The following ANKFY1 variants were observed in gnomAD, a reference collection of about 807,000 sequenced individuals.
ANKFY1 encodes the protein ankyrin repeat and FYVE domain-containing protein 1.
ANKFY1 carries 47 observed loss-of-function variants against 128.3 expected under a neutral mutation model. The ratio of observed to expected loss-of-function variants is 0.37; its 90% CI spans 0.29 to 0.47. The LOEUF is 0.47. Among genes scored for constraint, ANKFY1 ranks in the 20% least tolerant of loss-of-function variants. ANKFY1 has a pLI of 1.00. For missense variants in ANKFY1, 1,222 were observed against 1,510.6 expected, an observed-to-expected ratio of 0.81 and a Z score of 3.17; for synonymous variants, 553 against 601.6, an observed-to-expected ratio of 0.92 and a Z score of 1.18.
chr17:4,229,612 A>T (rs1421261698), intron 3 of ANKFY1, among the ~76,000 whole-genome samples: 1 of 152,244 alleles, frequency 6.6e-6, no homozygotes, highest in Non-Finnish European at 1.5e-5. Context: ...ACACAAACTT[A>T]ACATAACCAA....
At chr17:4,200,765 T>C (rs2059913626) in intron 7 of ANKFY1, among the ~76,000 whole-genome samples, 1 of 152,224 alleles carries the variant, frequency 6.6e-6, no homozygotes, top group Admixed American at 6.5e-5. Context: ...CGGTTCCTAA[T>C]TGTTAGAATT....
At chr17:4,243,338 G>A (rs1967356945) in intron 1 of ANKFY1, among the ~76,000 whole-genome samples, 1 of 151,662 alleles carries the variant, frequency 6.6e-6, no homozygotes, top group East Asian at 1.9e-4. Flanking sequence ...AGTGTCGGGA[G>A]TACAGGCATG....
chr17:4,166,223 T>A lies in ANKFY1; in HGVS notation c.*1556A>T, dbSNP rs951833140. The A allele has an allele frequency of 1.3e-5, 2 of 152,162 alleles. No homozygotes were observed. The highest frequency in any genetic ancestry group is 4.8e-5 in the African/African-American group (2 of 41,420). The allele number at this position is 152,162 out of a possible 1,614,324, so 9.4% of individuals were successfully genotyped here. On this transcript the variant is annotated 3_prime_UTR_variant, in exon 25 of 25. Coordinates refer to ENST00000341657, the MANE Select transcript of ANKFY1 (RefSeq NM_001330063.2). ...ATATTTAGGCAACAGAATGTATAAA[T>A]CTACCGCAATACAGAGGACACACTA...
intron 1 of ANKFY1, among the ~76,000 whole-genome samples, chr17:4,262,730 G>C (rs544408383): frequency 1.3e-5 from 2 of 151,950 alleles, no homozygotes; most frequent in African/African-American, 2.4e-5. Flanking sequence ...CGGTGGGACA[G>C]AGCGAGACCC....
intron 1 of ANKFY1, among the ~76,000 whole-genome samples, chr17:4,252,386 T>C (rs969145110): frequency 1.3e-5 from 2 of 151,794 alleles, no homozygotes; most frequent in East Asian, 1.9e-4. Context: ...GGCAACAGAG[T>C]GAGACCCCCG....
chr17:4,193,419 CTTTTTTTTTTTTT>C (rs34747890), intron 10 of ANKFY1, among the ~76,000 whole-genome samples: 2 of 108,276 alleles, frequency 1.8e-5, no homozygotes, highest in African/African-American at 4.2e-5. Flanking sequence ...CCAGTCGACT[CTTTTTTTTTTTTT>C]TTTTTTTTTT....
At position 4,165,284 on chromosome 17, in the gene ANKFY1, C is replaced by G. The variant is rs1245307201; in HGVS notation, c.*2495G>C. 2 of 152,188 alleles carry G rather than the reference C, an allele frequency of 1.3e-5. No individual in the cohort carries two copies. The highest frequency in any genetic ancestry group is 2.9e-5 in the Non-Finnish European group (2 of 68,028). 9.4% of individuals were successfully genotyped at this position (152,188 alleles called of 1,614,324 possible). On this transcript the variant is annotated 3_prime_UTR_variant, in exon 25 of 25. Transcript: ENST00000341657. ...AGCATAACAATGTTGACTGTTGCAG[C>G]AAATTATGTTTCAGTAAAGTTTACT...
At chr17:4,241,930 A>G (rs905796875) in intron 2 of ANKFY1, among the ~76,000 whole-genome samples, 1 of 151,850 alleles carries the variant, frequency 6.6e-6, no homozygotes, top group Non-Finnish European at 1.5e-5. Flanking sequence ...TCTACTAAAA[A>G]TATAAAAAAT....
chr17:4,189,709 G>GCCAGACAGTAGGCCCACA (rs2059681575), intron 10 of ANKFY1, among the ~76,000 whole-genome samples: 1 of 128,620 alleles, frequency 7.8e-6, no homozygotes, highest in African/African-American at 3.6e-5. Flanking sequence ...GTAGGCCCAC[G>GCCAGACAGTAGGCCCACA]CCAGACAGTA....
In ANKFY1 at chr17:4,164,379, C is replaced by T. The variant is rs1189223439; in HGVS notation, c.*3400G>A. The stretch of plus-strand genomic sequence containing the variant: ...TCAGGGTTTTTATCTTGCCAGTCAG[C>T]TCTCACTAAAGTACTTCCACAGAGT... On this transcript the variant is annotated 3_prime_UTR_variant, in exon 25 of 25. Transcript: ENST00000341657. The T allele has an allele frequency of 6.6e-6, 1 of 152,658 alleles. No individual in the cohort carries two copies. Among genetic ancestry groups the T allele is most frequent in the East Asian group, 1.9e-4 (1 of 5,204 alleles). The allele number at this position is 152,658 out of a possible 1,614,324, so 9.5% of individuals were successfully genotyped here. A position where few individuals can be genotyped will look rare whatever the true frequency, so the allele number is the denominator to read the frequency against.
chr17:4,179,905 A>C (rs1455540387), intron 16 of ANKFY1, 28 bp from the exon 17 acceptor site: 12 of 1,612,934 alleles, frequency 7.4e-6, no homozygotes, highest in Non-Finnish European at 9.3e-6. Context: ...ATTTTAAAAA[A>C]CGCCACGCTT....
chr17:4,260,325 C>T (rs376510277), intron 1 of ANKFY1, among the ~76,000 whole-genome samples: 3 of 151,994 alleles, frequency 2.0e-5, no homozygotes, highest in East Asian at 1.9e-4. Context: ...CACTTACAAA[C>T]GAAGCTTAGG....
At chr17:4,180,419 A>C (rs1364074238) in intron 16 of ANKFY1, 1 of 152,356 alleles carries the variant, frequency 6.6e-6, no homozygotes, top group Admixed American at 6.5e-5. Context: ...CCTGCGTAAC[A>C]GAATGGGACT....
intron 1 of ANKFY1, among the ~76,000 whole-genome samples, chr17:4,243,650 T>C (rs986898615): frequency 1.3e-5 from 2 of 152,190 alleles, no homozygotes; most frequent in African/African-American, 2.4e-5. Context: ...CCAACATTCT[T>C]ATTCCAGGGT....
In ANKFY1 at chr17:4,170,724, G is replaced by A. The variant is rs2059301418; in HGVS notation, c.3277C>T (p.Arg1093Ter). The A allele has an allele frequency of 1.2e-6, 2 of 1,610,654 alleles. No homozygotes were observed. Among genetic ancestry groups the A allele is most frequent in the Non-Finnish European group, 8.5e-7 (1 of 1,178,060 alleles). The change falls in exon 23 of 25, where the codon CGA (arginine) becomes TGA (stop). Residue 1093 changes from arginine to a stop codon, truncating the protein, a stop_gained. Transcript: ENST00000341657. LOFTEE classifies it high-confidence loss of function. ...YQVATKQLLF[R>*]LLDMLSKEPP... Reference sequence around the variant, plus strand: ...AGAGCGGGCCACTCACCCAGCAGTCGGAACAGGAGCTGCTTGGTGGCGACC... The same window carrying A: ...AGAGCGGGCCACTCACCCAGCAGTCAGAACAGGAGCTGCTTGGTGGCGACC...
In ANKFY1 at chr17:4,171,004, C is replaced by T. The variant is rs1236610187; in HGVS notation, c.3140-143G>A. On this transcript the variant is annotated intron_variant, in intron 22 of 24. Coordinates refer to ENST00000341657, the MANE Select transcript of ANKFY1 (RefSeq NM_001330063.2). ...AAGTCCCCACAGACATACGGGGGCC[C>T]CGAGGCTCTGGAGAGAACTGTGGAC... The T allele has an allele frequency of 3.5e-6, 4 of 1,157,718 alleles. No homozygotes were observed. The East Asian group carries it at 7.6e-5, about 22-fold the overall frequency. 71.7% of individuals were successfully genotyped at this position (1,157,718 alleles called of 1,614,324 possible). A position where few individuals can be genotyped will look rare whatever the true frequency, so the allele number is the denominator to read the frequency against.
intron 3 of ANKFY1, among the ~76,000 whole-genome samples, chr17:4,233,489 G>A (rs1173024274): frequency 6.6e-6 from 1 of 152,156 alleles, no homozygotes; most frequent in Non-Finnish European, 1.5e-5. Flanking sequence ...ACATGTGTAG[G>A]TGTGTATGTG....
rs199874751 is a variant in ANKFY1 at position 4,184,913 on chromosome 17, G to A, written c.1604C>T (p.Thr535Ile). Residue 535 changes from threonine (T) to isoleucine (I), a missense_variant, in exon 12 of 25, where the codon ACC becomes ATC. By Grantham distance (89) the Thr-to-Ile change is moderately conservative (BLOSUM62 -1). Coordinates refer to ENST00000341657, the MANE Select transcript of ANKFY1 (RefSeq NM_001330063.2). ...LPLPKEAASL[T>I]SLADSVHLQT... Reference sequence around the variant, plus strand: ...CAGATGGACGCTGTCCGCCAAGCTGGTCAGGGATGCGGCCTCCTTTGGCAG... The same window carrying A: ...CAGATGGACGCTGTCCGCCAAGCTGATCAGGGATGCGGCCTCCTTTGGCAG... 2 of 1,614,120 alleles carry A rather than the reference G, an allele frequency of 1.2e-6. No homozygotes were observed. The highest frequency in any genetic ancestry group is 1.3e-5 in the African/African-American group (1 of 75,066).
chr17:4,182,999 G>A lies in ANKFY1; in HGVS notation c.1952+399C>T, dbSNP rs1313775990. Among the ~76,000 whole-genome samples, 5 of 152,148 alleles carry A rather than the reference G, an allele frequency of 3.3e-5. No individual in the cohort carries two copies. In the East Asian group the frequency reaches 9.6e-4, roughly 29 times the overall value. Reference sequence around the variant, plus strand: ...TGGGCGCCTGTAATCCCAGCTACTTGGGAGGCTGAGGCACGAGAAATGCTT... The same window carrying A: ...TGGGCGCCTGTAATCCCAGCTACTTAGGAGGCTGAGGCACGAGAAATGCTT... On this transcript the variant is annotated intron_variant, in intron 14 of 24. Coordinates refer to ENST00000341657, the MANE Select transcript of ANKFY1 (RefSeq NM_001330063.2).
Sources: gnomAD v4.1 joint callset for allele counts (sites outside exome capture counted in the v4.1 genomes callset) on GRCh38, gnomAD v4.1.1 for gene constraint, MANE v1.5 for transcripts, NCBI Gene and HGNC (gene_info 2026-07-23, HGNC 2026-07-21) for gene names.